ECPAS: variants seen among roughly 807,000 people sequenced by gnomAD.
The protein encoded by ECPAS is proteasome adapter and scaffold protein ECM29.
In ECPAS, 70 loss-of-function variants were observed where a neutral mutation model predicts 255.1. That is an observed-to-expected ratio of 0.27 (90% confidence interval 0.23 to 0.33). The LOEUF is 0.33. Among genes scored for constraint, ECPAS ranks in the 10% least tolerant of loss-of-function variants. The probability of loss-of-function intolerance (pLI) is 1.00; values close to 1 mark genes in which losing one functional copy is unlikely to be tolerated. For synonymous variants in ECPAS, 784 were observed against 775.0 expected, an observed-to-expected ratio of 1.01 and a Z score of -0.19; for missense variants, 1,817 against 2,206.4, an observed-to-expected ratio of 0.82 and a Z score of 3.54.
chr9:111,394,529 A>G (rs1056179978), intron 25 of ECPAS, among the ~76,000 whole-genome samples: 1 of 152,196 alleles, frequency 6.6e-6, no homozygotes, highest in Admixed American at 6.5e-5. Context: ...TTAGTTCCTG[A>G]GAATGAAAAC....
At chr9:111,482,673 G>A (rs1021768031) in intron 1 of ECPAS, among the ~76,000 whole-genome samples, 1 of 151,720 alleles carries the variant, frequency 6.6e-6, no homozygotes, top group Non-Finnish European at 1.5e-5. Context: ...GGGAAAGAAA[G>A]AAAACCCTTG....
intron 24 of ECPAS, among the ~76,000 whole-genome samples, chr9:111,397,835 C>T (rs1162471309): frequency 6.6e-6 from 1 of 152,130 alleles, no homozygotes; most frequent in Non-Finnish European, 1.5e-5. Context: ...ATAAAGGGCA[C>T]ACAGGAGTTC....
chr9:111,385,109 T>G (rs561290274), intron 33 of ECPAS, among the ~76,000 whole-genome samples: 1 of 152,192 alleles, frequency 6.6e-6, no homozygotes, highest in Non-Finnish European at 1.5e-5. Context: ...GAGATCTCTA[T>G]TGAAAGAAGG....
rs778018572 is a variant in ECPAS, at chr9:111,394,243, T to C, written c.2839A>G (p.Ser947Gly). ...LDVILNKHII[S>G]PNPHVRQAAC... ...GCTTGCCTCACGTGTGGGTTGGGGC[T>C]GATGATATGTTTATTTAAAATCACA... The change falls in exon 26 of 50, where the codon AGC (serine) becomes GGC (glycine). Residue 947 changes from serine (S) to glycine (G), a missense_variant. Ser to Gly is a moderately conservative substitution (Grantham distance 56). Coordinates refer to ENST00000684092, the MANE Select transcript of ECPAS (RefSeq NM_001364929.1). 8.1e-6 allele frequency: 13 copies of C among 1,604,242 alleles called. No homozygotes were observed. The East Asian group carries it at 2.9e-4, about 36-fold the overall frequency.
intron 9 of ECPAS, among the ~76,000 whole-genome samples, chr9:111,430,159 A>C (rs1429570801): frequency 6.6e-6 from 1 of 152,234 alleles, no homozygotes; most frequent in Non-Finnish European, 1.5e-5. Flanking sequence ...ACAAAATTCA[A>C]ACATCAGTAT....
intron 5 of ECPAS, among the ~76,000 whole-genome samples, chr9:111,441,205 A>G (rs936705645): frequency 3.3e-5 from 5 of 151,494 alleles, no homozygotes; most frequent in African/African-American, 1.2e-4. Context: ...AAATTAAAAA[A>G]AAAAAGAATT....
intron 2 of ECPAS, among the ~76,000 whole-genome samples, chr9:111,468,014 G>T (rs770090197): frequency 1.2e-4 from 18 of 152,056 alleles, no homozygotes; most frequent in Non-Finnish European, 2.1e-4. Context: ...TTACTCAGGC[G>T]TGGTGGCATG....
chr9:111,377,867 C>T (rs774595624), intron 36 of ECPAS, among the ~76,000 whole-genome samples: 4 of 152,188 alleles, frequency 2.6e-5, no homozygotes, highest in Non-Finnish European at 5.9e-5. Flanking sequence ...TCTGATCAGG[C>T]TGGGTGCGGT....
intron 13 of ECPAS, 105 bp from the exon 14 acceptor site, chr9:111,422,305 TGTC>T: frequency 8.2e-7 from 1 of 1,226,556 alleles, no homozygotes; most frequent in Non-Finnish European, 1.2e-6. Context: ...CTGAAGACAA[TGTC>T]AGCATCATTA....
intron 31 of ECPAS, among the ~76,000 whole-genome samples, chr9:111,387,602 A>C (rs997960665): frequency 6.7e-6 from 1 of 148,796 alleles, no homozygotes; most frequent in Admixed American, 6.7e-5. Flanking sequence ...TGAGGGACAC[A>C]GTCTCACTCA....
chr9:111,450,980 T>C (rs1354975407), intron 3 of ECPAS, among the ~76,000 whole-genome samples: 2 of 152,216 alleles, frequency 1.3e-5, no homozygotes, highest in African/African-American at 4.8e-5. Context: ...TCCAACTTTT[T>C]GTAAGAGTAC....
chr9:111,478,651 G>C (rs964687942), intron 1 of ECPAS, among the ~76,000 whole-genome samples: 1 of 152,174 alleles, frequency 6.6e-6, no homozygotes, highest in African/African-American at 2.4e-5. Context: ...CATTTAAATT[G>C]ATATGACGTA....
intron 21 of ECPAS, chr9:111,411,762 C>G (rs2098194832): frequency 2.9e-6 from 1 of 344,200 alleles, no homozygotes; most frequent in Non-Finnish European, 5.2e-6. Context: ...CCTGTTGTAC[C>G]AGGGATTCTC....
chr9:111,433,107 G>C, intron 8 of ECPAS, 126 bp downstream of exon 8: 1 of 884,868 alleles, frequency 1.1e-6, no homozygotes, highest in South Asian at 1.7e-5. Context: ...TACAAACTAG[G>C]TATATTTAAT....
chr9:111,425,433 G>A lies in ECPAS; in HGVS notation c.1200C>T (p.Ile400=), dbSNP rs2131816932. Residue 400 remains isoleucine (I), a synonymous_variant, in exon 12 of 50, where the codon ATC becomes ATT. Transcript: ENST00000684092. ...AGTCACTTACCTCTTTGTATTCATT[G>A]ATTAGCTTGGTGAGGCCATTCAAAA... is the stretch of plus-strand genomic sequence containing the variant. ...PMLLNGLTKL[I]NEYKEDPKLL... is the part of the protein sequence containing the mutation. The A allele has an allele frequency of 2.5e-6, 4 of 1,592,216 alleles. No individual in the cohort carries two copies. In the South Asian group the frequency reaches 4.6e-5, roughly 18 times the overall value.
In ECPAS at chr9:111,420,738, C is replaced by G. The variant is rs1294207875; in HGVS notation, c.1456-618G>C. ...AAGCTTTATTCTTACGTACCTTCCCCAGGTCACTCCTCTAGCCACAAACAT... is the reference window on the plus strand; with the variant it reads ...AAGCTTTATTCTTACGTACCTTCCCGAGGTCACTCCTCTAGCCACAAACAT... On this transcript the variant is annotated intron_variant, in intron 15 of 49. Transcript: ENST00000684092. Among the ~76,000 whole-genome samples, 3 of 152,122 alleles carry G rather than the reference C, an allele frequency of 2.0e-5. No individual in the cohort carries two copies. The East Asian group carries it at 5.8e-4, about 29-fold the overall frequency.
Position 111,433,364 on chromosome 9 carries a change from C to T in ECPAS, c.717G>A (p.Leu239=), listed in dbSNP as rs1456782134. 1.2e-6 allele frequency: 2 copies of T among 1,613,756 alleles called. No individual in the cohort carries two copies. The highest frequency in any genetic ancestry group is 1.3e-5 in the African/African-American group (1 of 74,904). ...CAGCTTCTATGAATTTCACGATTCCCAATTTGCACTGTAGATAAATGAAGG... is the reference window on the plus strand; with the variant it reads ...CAGCTTCTATGAATTTCACGATTCCTAATTTGCACTGTAGATAAATGAAGG... The part of the protein sequence containing the change: ...WTPEQLEQCK[L]GIVKFIEAEQ... The change falls in exon 8 of 50, where the codon TTG becomes TTA. Residue 239 remains leucine, a synonymous_variant. Transcript: ENST00000684092.
At chr9:111,479,805 C>T (rs1313925971) in intron 1 of ECPAS, among the ~76,000 whole-genome samples, 2 of 151,828 alleles carry the variant, frequency 1.3e-5, no homozygotes, top group Non-Finnish European at 2.9e-5. Flanking sequence ...ATGGTGAAAC[C>T]TCGTCTCTAC....
At chr9:111,439,130 C>T (rs938285707) in intron 6 of ECPAS, among the ~76,000 whole-genome samples, 1 of 152,206 alleles carries the variant, frequency 6.6e-6, no homozygotes, top group Non-Finnish European at 1.5e-5. Flanking sequence ...GCAGCAAAAA[C>T]ACACAGTGGC....
Sources: gnomAD v4.1 joint callset for allele counts (sites outside exome capture counted in the v4.1 genomes callset) on GRCh38, gnomAD v4.1.1 for gene constraint, MANE v1.5 for transcripts, NCBI Gene and HGNC (gene_info 2026-07-23, HGNC 2026-07-21) for gene names.